Variants in LHFPL1 observed in about 807,000 individuals in gnomAD.
The protein encoded by LHFPL1 is LHFPL tetraspan subfamily member 1 protein.
LHFPL1 carries 4 observed loss-of-function variants against 12.1 expected under a neutral mutation model. That is an observed-to-expected ratio of 0.33 (90% CI 0.16 to 0.76). LHFPL1 has a LOEUF of 0.76. Ranked by LOEUF, LHFPL1 falls within the 30% of genes least tolerant of loss-of-function variation. The pLI is 0.61. For missense variants in LHFPL1, 141 were observed against 174.1 expected (o/e 0.81, Z 1.07); for synonymous variants, 52 against 61.9 (o/e 0.84, Z 0.75).
chrX:112,640,154 C>T (rs770584840), intron 3 of LHFPL1, among the ~76,000 whole-genome samples: 3 of 110,955 alleles, frequency 2.7e-5, no homozygotes, highest in Non-Finnish European at 5.7e-5. Flanking sequence ...ATTGTTTTCT[C>T]ATAGGTAAGA....
chrX:112,670,862 T>G (rs1931475300), intron 2 of LHFPL1, 147 bp downstream of exon 2: 1 of 652,948 alleles, frequency 1.5e-6, no homozygotes, highest in Non-Finnish European at 2.3e-6. Flanking sequence ...AGTCCTAGAC[T>G]AAATATTTTA....
chrX:112,654,052 C>T (rs1173904089), intron 3 of LHFPL1, among the ~76,000 whole-genome samples: 1 of 111,800 alleles, frequency 8.9e-6, no homozygotes, highest in Non-Finnish European at 1.9e-5. Flanking sequence ...AGTACAGTCT[C>T]TTTGGAGAGC....
rs1386520873 is a variant in LHFPL1, at chrX:112,659,553, A to G, written c.481+1074T>C. Among the ~76,000 whole-genome samples the G allele has an allele frequency of 2.7e-5, 3 of 111,866 alleles. 1 individual carries two copies. In the Admixed American group the frequency reaches 2.8e-4, roughly 11 times the overall value. On this transcript the variant is annotated intron_variant, in intron 3 of 3. Transcript: ENST00000371968. The stretch of plus-strand genomic sequence containing the variant: ...GTGATTATATGCATTAAATGGGTAC[A>G]TTTGATAATATAAGAATTATATATC...
chrX:112,637,735 G>C (rs1930386109), intron 3 of LHFPL1, among the ~76,000 whole-genome samples: 1 of 112,403 alleles, frequency 8.9e-6, no homozygotes, highest in Non-Finnish European at 1.9e-5. Flanking sequence ...GTTGGAGGAA[G>C]AGTCAGGGAA....
chrX:112,631,697 T>C (rs1341183282), intron 3 of LHFPL1, 96 bp from the exon 4 acceptor site: 2 of 592,513 alleles, frequency 3.4e-6, no homozygotes, highest in Middle Eastern at 6.0e-4. Flanking sequence ...AGTACAGTTT[T>C]TATACATTCT....
At chrX:112,654,691 T>G (rs1930948847) in intron 3 of LHFPL1, among the ~76,000 whole-genome samples, 1 of 111,072 alleles carries the variant, frequency 9.0e-6, no homozygotes, top group Non-Finnish European at 1.9e-5. Flanking sequence ...AGACTGATTT[T>G]AAGTTTTAAA....
At position 112,671,302 on chromosome X, in the gene LHFPL1, G is replaced by A. The variant is rs1198071471; in HGVS notation, c.89C>T (p.Pro30Leu). The A allele has an allele frequency of 2.5e-6, 3 of 1,212,059 alleles. No homozygotes were observed. Among genetic ancestry groups the A allele is most frequent in the Non-Finnish European group, 2.2e-6 (2 of 895,502 alleles). Residue 30 changes from proline (P) to leucine (L), a missense_variant, in exon 2 of 4, where the codon CCT becomes CTT. Pro to Leu is a moderately conservative substitution (Grantham distance 98, BLOSUM62 -3). Transcript: ENST00000371968. ...AVTSSTSYFL[P>L]YWLFGSQMGK... ...CATCTGGGATCCAAAGAGCCAGTAA[G>A]GTAGGAAGTAACTGGTAGAACTGGT...
At chrX:112,659,414 C>T (rs898555472) in intron 3 of LHFPL1, among the ~76,000 whole-genome samples, 4 of 110,313 alleles carry the variant, frequency 3.6e-5, no homozygotes, top group African/African-American at 1.3e-4. Context: ...GACCTGAGAT[C>T]GCACCACTGC....
chrX:112,636,183 G>C (rs1367216266), intron 3 of LHFPL1, among the ~76,000 whole-genome samples: 2 of 111,030 alleles, frequency 1.8e-5, no homozygotes, highest in Non-Finnish European at 3.8e-5. Context: ...ATGTCCCCCG[G>C]TATGAGGGGA....
intron 3 of LHFPL1, among the ~76,000 whole-genome samples, chrX:112,653,508 G>T (rs1482074964): frequency 8.9e-6 from 1 of 112,366 alleles, no homozygotes; most frequent in African/African-American, 3.2e-5. Context: ...CCCATGCACA[G>T]AAAAAAGAAA....
chrX:112,662,205 C>T (rs1931210996), intron 2 of LHFPL1, among the ~76,000 whole-genome samples: 1 of 112,487 alleles, frequency 8.9e-6, no homozygotes, highest in Non-Finnish European at 1.9e-5. Flanking sequence ...GGACACTTGT[C>T]ATGAATGTGG....
chrX:112,655,646 G>C (rs1930977279), intron 3 of LHFPL1, among the ~76,000 whole-genome samples: 1 of 111,605 alleles, frequency 9.0e-6, no homozygotes, highest in East Asian at 2.8e-4. Context: ...TATTCCTCTG[G>C]TAGGGACCAT....
chrX:112,679,887 C>G lies in LHFPL1; in HGVS notation c.-73G>C, dbSNP rs1931755696. 2 of 111,873 alleles carry G rather than the reference C, an allele frequency of 1.8e-5. No individual in the cohort carries two copies. The highest frequency in any genetic ancestry group is 3.8e-5 in the Non-Finnish European group (2 of 53,151). 9.2% of individuals were successfully genotyped at this position (111,873 alleles called of 1,213,427 possible). ...TCTCTTCAGGCTCAGATCTCAGAAA[C>G]AACTTCTCCTTACAGCTTGTTAGAC... is the stretch of plus-strand genomic sequence containing the variant. On this transcript the variant is annotated 5_prime_UTR_variant, in exon 1 of 4. Coordinates refer to ENST00000371968, the MANE Select transcript of LHFPL1 (RefSeq NM_178175.4).
chrX:112,631,755 C>T, intron 3 of LHFPL1, among the ~76,000 whole-genome samples, 154 bp from the exon 4 acceptor site: 1 of 111,936 alleles, frequency 8.9e-6, no homozygotes, highest in Non-Finnish European at 1.9e-5. Context: ...GCGAATGTCC[C>T]TGGGCTTCCT....
At chrX:112,666,675 T>A (rs1931344353) in intron 2 of LHFPL1, among the ~76,000 whole-genome samples, 1 of 111,488 alleles carries the variant, frequency 9.0e-6, no homozygotes, top group Non-Finnish European at 1.9e-5. Flanking sequence ...CACAGAGTAG[T>A]GAGTACATCT....
intron 3 of LHFPL1, among the ~76,000 whole-genome samples, chrX:112,651,079 A>G (rs925825642): frequency 8.9e-6 from 1 of 112,063 alleles, no homozygotes; most frequent in African/African-American, 3.2e-5. Context: ...GAGCTCTTGT[A>G]TGTATAGTGA....
At chrX:112,632,237 C>A (rs1930210921) in intron 3 of LHFPL1, among the ~76,000 whole-genome samples, 1 of 111,555 alleles carries the variant, frequency 9.0e-6, no homozygotes, top group Non-Finnish European at 1.9e-5. Context: ...AGCCTTTCAA[C>A]ACCCAGGAAA....
intron 2 of LHFPL1, among the ~76,000 whole-genome samples, chrX:112,664,740 G>A (rs753710013): frequency 2.6e-4 from 29 of 111,736 alleles, no homozygotes; most frequent in Non-Finnish European, 4.1e-4. Context: ...AATAAAAATG[G>A]ATTCATAGAG....
intron 2 of LHFPL1, among the ~76,000 whole-genome samples, chrX:112,662,178 A>G (rs1177588261): frequency 8.9e-6 from 1 of 112,604 alleles, no homozygotes; most frequent in East Asian, 2.8e-4. Context: ...TGGGTGCCAC[A>G]CTAATGAACA....
Sources: allele counts gnomAD v4.1 joint callset (sites outside exome capture counted in the v4.1 genomes callset), GRCh38; gene constraint gnomAD v4.1.1; transcripts MANE v1.5; gene names NCBI Gene and HGNC (gene_info 2026-07-23, HGNC 2026-07-21).